SYNE1: variants seen among roughly 807,000 people sequenced by gnomAD.
The protein encoded by SYNE1 is spectrin repeat containing nuclear envelope protein 1.
A neutral mutation model predicts 1,111.0 loss-of-function variants in SYNE1; 616 were observed. The observed-to-expected ratio is 0.55, with a 90% CI of 0.52 to 0.59. The LOEUF is 0.59. Ranked by LOEUF, SYNE1 falls within the 20% of genes least tolerant of loss-of-function variation. The probability of loss-of-function intolerance (pLI) is 0.00; values close to 1 mark genes in which losing one functional copy is unlikely to be tolerated. For synonymous variants in SYNE1, 3,855 were observed against 3,825.8 expected (o/e 1.01, Z -0.28); for missense variants, 10,006 against 10,417.0 (o/e 0.96, Z 1.72).
intron 80 of SYNE1, among the ~76,000 whole-genome samples, 173 bp from the exon 81 acceptor site, chr6:152,325,475 G>A (rs1431424659): frequency 2.0e-5 from 3 of 152,178 alleles, no homozygotes; most frequent in Admixed American, 2.0e-4. Context: ...TAACCAGAGT[G>A]AGTCTTAAAG....
chr6:152,193,812 C>T (rs977036970), intron 127 of SYNE1, among the ~76,000 whole-genome samples: 6 of 151,800 alleles, frequency 4.0e-5, no homozygotes, highest in Non-Finnish European at 8.8e-5. Context: ...GAGATCGAAA[C>T]CATCCTGACT....
At chr6:152,542,090 T>C (rs980997309) in intron 3 of SYNE1, among the ~76,000 whole-genome samples, 10 of 152,184 alleles carry the variant, frequency 6.6e-5, no homozygotes, top group Non-Finnish European at 1.3e-4. Context: ...GTGGGGGACA[T>C]ACACAAGAAA....
intron 38 of SYNE1, among the ~76,000 whole-genome samples, chr6:152,427,040 T>G (rs1263075813): frequency 2.0e-5 from 3 of 152,232 alleles, no homozygotes; most frequent in African/African-American, 7.2e-5. Flanking sequence ...TTTTCCAGCA[T>G]AGACAGTATC....
intron 49 of SYNE1, among the ~76,000 whole-genome samples, chr6:152,397,734 G>A (rs2097757661): frequency 6.6e-6 from 1 of 152,124 alleles, no homozygotes; most frequent in Admixed American, 6.6e-5. Flanking sequence ...CGGGCATGGT[G>A]GCTCATGTTT....
At chr6:152,334,454 T>C (rs1486244289) in intron 76 of SYNE1, among the ~76,000 whole-genome samples, 181 bp from the exon 77 acceptor site, 4 of 152,234 alleles carry the variant, frequency 2.6e-5, no homozygotes, top group African/African-American at 9.6e-5. Flanking sequence ...TACCTCTTTA[T>C]GAACGTTAAT....
chr6:152,245,902 T>C (rs547317276), intron 105 of SYNE1, among the ~76,000 whole-genome samples: 3 of 152,270 alleles, frequency 2.0e-5, no homozygotes, highest in African/African-American at 7.2e-5. Flanking sequence ...AGAGGGGCAC[T>C]GGACACAGCT....
At chr6:152,236,062 A>G (rs776003422) in intron 110 of SYNE1, 45 bp downstream of exon 110, 1 of 1,593,064 alleles carries the variant, frequency 6.3e-7, no homozygotes, top group African/African-American at 1.3e-5. Flanking sequence ...TTATTAATAC[A>G]ATGCAGCACT....
rs973385908 is a variant in SYNE1 at position 152,430,145 on chromosome 6, A to G, written c.4755T>C (p.Ala1585=). The change falls in exon 36 of 146, where the codon GCT becomes GCC. Residue 1585 remains alanine, a synonymous_variant. Transcript: ENST00000367255. ...CTTGAAGAACTTTGTATGTTTCTGT[A>G]GCTGAAGAACATATTTTAATTGGAA... ...LAVPIKICSS[A]TETYKVLQEH... 8.1e-6 allele frequency: 13 copies of G among 1,603,640 alleles called. No homozygotes were observed. Among genetic ancestry groups the G allele is most frequent in the Non-Finnish European group, 1.1e-5 (13 of 1,173,004 alleles).
At chr6:152,564,299 G>A (rs2099404228) in intron 3 of SYNE1, among the ~76,000 whole-genome samples, 1 of 152,096 alleles carries the variant, frequency 6.6e-6, no homozygotes, top group South Asian at 2.1e-4. Context: ...AGTAAGAAAT[G>A]TTTGTTTTTT....
chr6:152,449,800 T>A (rs987741640), intron 27 of SYNE1, among the ~76,000 whole-genome samples, 159 bp from the exon 28 acceptor site: 9 of 152,162 alleles, frequency 5.9e-5, no homozygotes, highest in African/African-American at 2.2e-4. Context: ...ATGAAGCTCA[T>A]GTTAAAGGGC....
At chr6:152,236,014 T>G in intron 110 of SYNE1, 93 bp downstream of exon 110, 1 of 1,376,798 alleles carries the variant, frequency 7.3e-7, no homozygotes, top group Non-Finnish European at 1.0e-6. Context: ...AGTAATGAGA[T>G]TATAGGTTTG....
At position 152,303,923 on chromosome 6, in the gene SYNE1, ACAC is replaced by A. The variant is rs202144409; in HGVS notation, c.17347-1863_17347-1861del. 3.0e-4 allele frequency among the ~76,000 whole-genome samples: 46 copies of A among 150,864 alleles called. No homozygotes were observed. The East Asian group carries it at 8.5e-3, about 28-fold the overall frequency. ...CACATGCACACACACACACACACAC[ACAC>A]ATTTTGTTATTATTGTTGTTTTGTT... On this transcript the variant is annotated intron_variant, in intron 91 of 145. Transcript: ENST00000367255.
At chr6:152,550,806 A>G (rs1162293354) in intron 3 of SYNE1, among the ~76,000 whole-genome samples, 1 of 152,104 alleles carries the variant, frequency 6.6e-6, no homozygotes, top group East Asian at 1.9e-4. Flanking sequence ...AATAAATAGT[A>G]TGTGCACCGT....
chr6:152,521,289 T>G (rs954577412), intron 5 of SYNE1, among the ~76,000 whole-genome samples: 1 of 152,186 alleles, frequency 6.6e-6, no homozygotes, highest in African/African-American at 2.4e-5. Context: ...ATTTCCAGGT[T>G]ATTGATATTT....
At position 152,608,087 on chromosome 6, in the gene SYNE1, A is replaced by G. The variant is rs1351131479; in HGVS notation, c.67+20178T>C. Among the ~76,000 whole-genome samples the G allele has an allele frequency of 2.6e-5, 4 of 152,150 alleles. No individual in the cohort carries two copies. In the East Asian group the frequency reaches 7.7e-4, roughly 29 times the overall value. On this transcript the variant is annotated intron_variant, in intron 3 of 145. Coordinates refer to ENST00000367255, the MANE Select transcript of SYNE1 (RefSeq NM_182961.4). ...GATGATGGGTTAATAGGTACAGAAG[A>G]CCACCATGGCACATGTATCCCTACG...
intron 8 of SYNE1, among the ~76,000 whole-genome samples, chr6:152,507,468 CACACACACACAT>C (rs1334454613): frequency 6.7e-6 from 1 of 150,288 alleles, no homozygotes; most frequent in Non-Finnish European, 1.5e-5. Flanking sequence ...TGTAGGTATG[CACACACACACAT>C]ACACACACAC....
At position 152,373,156 on chromosome 6, in the gene SYNE1, G is replaced by T; in HGVS notation, c.9388C>A (p.Leu3130Ile). The T allele has an allele frequency of 6.2e-7, 1 of 1,614,004 alleles. No individual in the cohort carries two copies. Among genetic ancestry groups the T allele is most frequent in the South Asian group, 1.1e-5 (1 of 91,088 alleles). Residue 3130 changes from leucine to isoleucine, a missense_variant, in exon 59 of 146, where the codon CTT (leucine) becomes ATT (isoleucine). Leu to Ile is a conservative substitution (Grantham distance 5). Around this residue, in one of 7 missense-constraint regions of SYNE1, gnomAD observed 4,955 missense variants for 5,017.2 expected, o/e 0.99. Coordinates refer to ENST00000367255, the MANE Select transcript of SYNE1 (RefSeq NM_182961.4). Reference protein sequence around the residue: ...KLNMMLSKGELLSTLLTKEKA... With the variant: ...KLNMMLSKGEILSTLLTKEKA... Reference sequence around the variant, plus strand: ...TCTTTGGTCAGCAGGGTACTCAGAAGTTCCCCTTTAGACAGCATCATGTTT... The same window carrying T: ...TCTTTGGTCAGCAGGGTACTCAGAATTTCCCCTTTAGACAGCATCATGTTT...
At chr6:152,236,658 T>A (rs572857898) in intron 109 of SYNE1, among the ~76,000 whole-genome samples, 159 bp downstream of exon 109, 2 of 152,216 alleles carry the variant, frequency 1.3e-5, no homozygotes, top group African/African-American at 4.8e-5. Context: ...CTTTTAATAA[T>A]GTCCAACTAT....
chr6:152,628,430 C>T lies in SYNE1; in HGVS notation c.-99G>A. On this transcript the variant is annotated 5_prime_UTR_variant, in exon 3 of 146. The change abolishes the stop of an existing upstream ORF in the 5' untranslated region. Transcript: ENST00000367255. ...AAAACATGCTTGGACTTTTCTAGAT[C>T]TATTCTGTCATAAATGAATTCCAGG... 3 of 1,215,820 alleles carry T rather than the reference C, an allele frequency of 2.5e-6. No individual in the cohort carries two copies. The highest frequency in any genetic ancestry group is 3.4e-5 in the Admixed American group (2 of 58,738). 75.3% of individuals were successfully genotyped at this position (1,215,820 alleles called of 1,614,324 possible).
Sources: allele counts gnomAD v4.1 joint callset (sites outside exome capture counted in the v4.1 genomes callset), GRCh38; gene constraint gnomAD v4.1.1; regional missense constraint gnomAD v4.1.1; transcripts MANE v1.5; gene names NCBI Gene and HGNC (gene_info 2026-07-23, HGNC 2026-07-21).